The following PIP4K2A variants were observed in gnomAD, a reference collection of about 807,000 sequenced individuals.
PIP4K2A encodes the protein phosphatidylinositol-5-phosphate 4-kinase type 2 alpha, also known as phosphatidylinositol 5-phosphate 4-kinase type-2 alpha.
In PIP4K2A, 14 loss-of-function variants were observed where a neutral mutation model predicts 42.9. That is an observed-to-expected ratio of 0.33 (90% CI 0.22 to 0.51). The LOEUF (loss-of-function observed/expected upper bound fraction) is 0.51. Among genes scored for constraint, PIP4K2A ranks in the 20% least tolerant of loss-of-function variants. The pLI is 0.97. For synonymous variants in PIP4K2A, 192 were observed against 192.2 expected, an observed-to-expected ratio of 1.00 and a Z score of 0.01; for missense variants, 434 against 519.8, an observed-to-expected ratio of 0.83 and a Z score of 1.61.
intron 1 of PIP4K2A, 121 bp downstream of exon 1, chr10:22,714,062 G>A: frequency 9.5e-7 from 1 of 1,054,498 alleles, no homozygotes; most frequent in Non-Finnish European, 1.3e-6. Flanking sequence ...CGGGCGAGCA[G>A]CCGGAGGTCC....
At chr10:22,570,881 AC>A (rs1288282007) in intron 5 of PIP4K2A, among the ~76,000 whole-genome samples, 3 of 151,994 alleles carry the variant, frequency 2.0e-5, no homozygotes, top group Admixed American at 2.0e-4. Context: ...CATCTAAGAA[AC>A]CCAGCGTCAT....
intron 8 of PIP4K2A, among the ~76,000 whole-genome samples, chr10:22,541,330 C>G (rs1002438963): frequency 6.6e-6 from 1 of 152,200 alleles, no homozygotes; most frequent in Non-Finnish European, 1.5e-5. Context: ...AGAGGACAAG[C>G]TAAGGGTCAC....
At chr10:22,597,939 A>C (rs1342410255) in intron 3 of PIP4K2A, among the ~76,000 whole-genome samples, 1 of 152,236 alleles carries the variant, frequency 6.6e-6, no homozygotes, top group East Asian at 1.9e-4. Context: ...GAAAGCAGCC[A>C]GATAAAATTA....
intron 1 of PIP4K2A, among the ~76,000 whole-genome samples, chr10:22,617,180 T>C (rs771170923): frequency 6.6e-6 from 1 of 152,240 alleles, no homozygotes; most frequent in Non-Finnish European, 1.5e-5. Flanking sequence ...CGTGTGAGAC[T>C]GGCTGACTGC....
chr10:22,658,716 C>T (rs1839148616), intron 1 of PIP4K2A, among the ~76,000 whole-genome samples: 1 of 152,200 alleles, frequency 6.6e-6, no homozygotes, highest in South Asian at 2.1e-4. Context: ...AACATCTCTC[C>T]AGCAGTTATC....
In PIP4K2A at chr10:22,623,869, G is replaced by A. The variant is rs11013070; in HGVS notation, c.145-14152C>T. On this transcript the variant is annotated intron_variant, in intron 1 of 9. Coordinates refer to ENST00000376573, the MANE Select transcript of PIP4K2A (RefSeq NM_005028.5). ...TGAGCCCTGAGCTCCCAGGGTTCTCGCTATCAGTCACATGATGAGGTCAAA... is the reference window on the plus strand; with the variant it reads ...TGAGCCCTGAGCTCCCAGGGTTCTCACTATCAGTCACATGATGAGGTCAAA... Among the ~76,000 whole-genome samples the A allele has an allele frequency of 7.9e-5, 12 of 152,276 alleles. No individual in the cohort carries two copies. In the East Asian group the frequency reaches 1.2e-3, roughly 15 times the overall value.
chr10:22,538,125 A>C (rs1835982953), intron 9 of PIP4K2A, among the ~76,000 whole-genome samples: 1 of 152,206 alleles, frequency 6.6e-6, no homozygotes. Context: ...CTGTTTTTAG[A>C]CACCCATGTT....
chr10:22,609,749 A>T (rs781669283), intron 1 of PIP4K2A, 32 bp from the exon 2 acceptor site: 6 of 1,299,354 alleles, frequency 4.6e-6, no homozygotes, highest in African/African-American at 1.5e-5. Context: ...AGCATGGGTT[A>T]TTACTATCCA....
At chr10:22,553,460 G>A (rs1013424921) in intron 6 of PIP4K2A, among the ~76,000 whole-genome samples, 11 of 152,188 alleles carry the variant, frequency 7.2e-5, no homozygotes, top group African/African-American at 2.4e-4. Context: ...TAGGTAACCT[G>A]CTTAGCACTT....
At chr10:22,563,920 A>T (rs1345893784) in intron 6 of PIP4K2A, among the ~76,000 whole-genome samples, 1 of 152,030 alleles carries the variant, frequency 6.6e-6, no homozygotes, top group Admixed American at 6.5e-5. Flanking sequence ...CTCTAAGCCT[A>T]CCCCCTAGGG....
chr10:22,675,469 C>A (rs1267176855), intron 1 of PIP4K2A, among the ~76,000 whole-genome samples: 1 of 151,948 alleles, frequency 6.6e-6, no homozygotes, highest in African/African-American at 2.4e-5. Flanking sequence ...GCCTGTAATC[C>A]CAGCTACTCA....
chr10:22,609,578 A>G, intron 2 of PIP4K2A, 42 bp downstream of exon 2: 1 of 1,109,574 alleles, frequency 9.0e-7, no homozygotes. Context: ...TTGTACTCCT[A>G]GCAGCCACGC....
At chr10:22,639,384 T>C (rs985495349) in intron 1 of PIP4K2A, among the ~76,000 whole-genome samples, 3 of 151,732 alleles carry the variant, frequency 2.0e-5, no homozygotes, top group African/African-American at 7.3e-5. Context: ...GAATTAACAT[T>C]TTGATTAACT....
intron 6 of PIP4K2A, among the ~76,000 whole-genome samples, chr10:22,554,155 A>G (rs1836477885): frequency 6.6e-6 from 1 of 152,142 alleles, no homozygotes; most frequent in Admixed American, 6.5e-5. Flanking sequence ...ACAAAAAGAA[A>G]AAAACGAGAT....
At chr10:22,586,150 CATT>C (rs1320037869) in intron 4 of PIP4K2A, among the ~76,000 whole-genome samples, 5 of 152,132 alleles carry the variant, frequency 3.3e-5, no homozygotes, top group Admixed American at 3.3e-4. Context: ...TATAGCGAAA[CATT>C]ATTTTCCCAA....
At chr10:22,650,337 C>T (rs1243663122) in intron 1 of PIP4K2A, among the ~76,000 whole-genome samples, 2 of 152,190 alleles carry the variant, frequency 1.3e-5, no homozygotes, top group East Asian at 3.9e-4. Context: ...CTCACAGCAA[C>T]TTCGACTTCC....
In PIP4K2A at chr10:22,607,635, T is replaced by G. The variant is rs190659071; in HGVS notation, c.339+292A>C. On this transcript the variant is annotated intron_variant, in intron 3 of 9. Transcript: ENST00000376573. ...ATTAACAGGCAGCTCTGCTAGCCTGTTAATTTCCACCTGGAAATGAGAGTA... is the reference window on the plus strand; with the variant it reads ...ATTAACAGGCAGCTCTGCTAGCCTGGTAATTTCCACCTGGAAATGAGAGTA... 8.5e-5 allele frequency among the ~76,000 whole-genome samples: 13 copies of G among 152,222 alleles called. No homozygotes were observed. In the East Asian group the frequency reaches 2.5e-3, roughly 29 times the overall value.
rs138110781 is a variant in PIP4K2A, at chr10:22,575,392, C to T, written c.493-1935G>A. ...TCAACCCCTCACTGAGCTCCCATCA[C>T]GAACTACCTTTACAGAATCCCGCCA... is the stretch of plus-strand genomic sequence containing the variant. On this transcript the variant is annotated intron_variant, in intron 4 of 9. Coordinates refer to ENST00000376573, the MANE Select transcript of PIP4K2A (RefSeq NM_005028.5). Among the ~76,000 whole-genome samples the T allele has an allele frequency of 3.9e-5, 6 of 152,250 alleles. No individual in the cohort carries two copies. In the East Asian group the frequency reaches 9.7e-4, roughly 25 times the overall value.
At chr10:22,694,792 ATC>A (rs1271578209) in intron 1 of PIP4K2A, among the ~76,000 whole-genome samples, 2 of 152,244 alleles carry the variant, frequency 1.3e-5, no homozygotes, top group East Asian at 1.9e-4. Flanking sequence ...AATACTTCTC[ATC>A]TGTTTTAAAA....
Sources: allele counts gnomAD v4.1 joint callset (sites outside exome capture counted in the v4.1 genomes callset), GRCh38; gene constraint gnomAD v4.1.1; transcripts MANE v1.5; gene names NCBI Gene and HGNC (gene_info 2026-07-23, HGNC 2026-07-21).